Variants in MIA2 observed in about 807,000 individuals in gnomAD.
MIA2 encodes the protein melanoma inhibitory activity protein 2.
A neutral mutation model predicts 167.8 loss-of-function variants in MIA2; 127 were observed. The ratio of observed to expected loss-of-function variants is 0.76; its 90% confidence interval spans 0.66 to 0.88. The LOEUF (loss-of-function observed/expected upper bound fraction) is 0.88, where lower values mean the gene tolerates loss of function less well. Ranked by LOEUF, MIA2 falls within the 40% of genes least tolerant of loss-of-function variation. The pLI is 0.00. For synonymous variants in MIA2, 552 were observed against 541.9 expected (o/e 1.02, Z -0.26); for missense variants, 1,690 against 1,624.7 (o/e 1.04, Z -0.69).
chr14:39,254,796 T>G (rs2054740902), intron 6 of MIA2, among the ~76,000 whole-genome samples: 1 of 152,216 alleles, frequency 6.6e-6, no homozygotes, highest in African/African-American at 2.4e-5. Context: ...TGAGTGGGAT[T>G]TGGCCCACTA....
chr14:39,335,390 T>C (rs1415486616), intron 25 of MIA2, among the ~76,000 whole-genome samples: 1 of 152,206 alleles, frequency 6.6e-6, no homozygotes, highest in African/African-American at 2.4e-5. Context: ...ATGTTTCTAC[T>C]TGGAAGAAGT....
intron 23 of MIA2, among the ~76,000 whole-genome samples, chr14:39,363,530 A>G (rs1435852845): frequency 6.6e-6 from 1 of 152,208 alleles, no homozygotes; most frequent in Non-Finnish European, 1.5e-5. Flanking sequence ...CCCTGTCTCA[A>G]ATAAAAAAAA....
chr14:39,361,395 T>G (rs1355705192), intron 23 of MIA2, among the ~76,000 whole-genome samples: 3 of 151,960 alleles, frequency 2.0e-5, no homozygotes, highest in Non-Finnish European at 4.4e-5. Context: ...TTTTACTGTT[T>G]TCTTTGTGGC....
intron 24 of MIA2, among the ~76,000 whole-genome samples, chr14:39,325,338 G>A (rs1334542408): frequency 6.6e-6 from 1 of 151,454 alleles, no homozygotes; most frequent in Non-Finnish European, 1.5e-5. Flanking sequence ...AGATAAATGA[G>A]GTATTAATAT....
intron 25 of MIA2, among the ~76,000 whole-genome samples, chr14:39,328,022 C>G (rs2067931567): frequency 6.6e-6 from 1 of 152,178 alleles, no homozygotes; most frequent in Non-Finnish European, 1.5e-5. Context: ...ATTTCTAGTT[C>G]TAGATGCTTG....
chr14:39,271,678 C>T (rs2057167212), intron 6 of MIA2, among the ~76,000 whole-genome samples: 1 of 151,784 alleles, frequency 6.6e-6, no homozygotes, highest in Non-Finnish European at 1.5e-5. Flanking sequence ...GCTTGTAATC[C>T]CAGCACTTTG....
intron 7 of MIA2, among the ~76,000 whole-genome samples, chr14:39,278,854 G>A (rs998344926): frequency 6.6e-6 from 1 of 152,154 alleles, no homozygotes; most frequent in Non-Finnish European, 1.5e-5. Context: ...ATCTTCAATA[G>A]GGAGTCTTTA....
chr14:39,265,960 G>C, intron 6 of MIA2: 3 of 985,400 alleles, frequency 3.0e-6, no homozygotes, highest in Non-Finnish European at 1.2e-6. Context: ...TCCTCAGGCT[G>C]ATGTGGCAAA....
downstream of MIA2, among the ~76,000 whole-genome samples, chr14:39,356,346 T>A (rs941972928): frequency 2.0e-5 from 3 of 152,156 alleles, no homozygotes; most frequent in Admixed American, 6.5e-5. Flanking sequence ...TGCATAGAGG[T>A]GTTTATAGTA....
chr14:39,334,959 T>C (rs896729421), intron 25 of MIA2, among the ~76,000 whole-genome samples: 9 of 152,200 alleles, frequency 5.9e-5, no homozygotes, highest in African/African-American at 1.4e-4. Context: ...TTTCAAAATA[T>C]GGTCTTCTGG....
chr14:39,316,487 T>A (rs1446100426), intron 21 of MIA2, among the ~76,000 whole-genome samples: 2 of 152,212 alleles, frequency 1.3e-5, no homozygotes, highest in Non-Finnish European at 2.9e-5. Context: ...GTTATTGTGA[T>A]GATTAAATTC....
At chr14:39,306,076 C>T (rs1262484818) in intron 17 of MIA2, among the ~76,000 whole-genome samples, 1 of 151,736 alleles carries the variant, frequency 6.6e-6, no homozygotes, top group Non-Finnish European at 1.5e-5. Context: ...TTGTTCTTGG[C>T]AATGGCTTAA....
At chr14:39,293,409 TAAGAAA>T (rs767617793) in intron 11 of MIA2, 28 bp downstream of exon 11, 2 of 1,390,980 alleles carry the variant, frequency 1.4e-6, no homozygotes, top group Admixed American at 4.0e-5. Flanking sequence ...GAGGAGAATA[TAAGAAA>T]AAGAAAGTTA....
chr14:39,339,737 C>A (rs1324425702), intron 25 of MIA2, among the ~76,000 whole-genome samples: 4 of 152,258 alleles, frequency 2.6e-5, no homozygotes, highest in Admixed American at 6.5e-5. Flanking sequence ...AGTACAGTAG[C>A]CACTAGGCAC....
chr14:39,287,193 C>T (rs1387348327), intron 9 of MIA2, among the ~76,000 whole-genome samples: 2 of 152,290 alleles, frequency 1.3e-5, no homozygotes, highest in East Asian at 3.9e-4. Flanking sequence ...CCCACCTTAG[C>T]CTCCCAAGTA....
chr14:39,236,799 T>C, intron 1 of MIA2, 123 bp from the exon 2 acceptor site: 1 of 949,790 alleles, frequency 1.1e-6, no homozygotes, highest in Non-Finnish European at 1.5e-6. Flanking sequence ...TTTGAGGCCA[T>C]AAATGATATA....
intron 6 of MIA2, among the ~76,000 whole-genome samples, chr14:39,263,633 CTT>C (rs35948974): frequency 7.6e-6 from 1 of 130,904 alleles, no homozygotes; most frequent in African/African-American, 2.9e-5. Context: ...CTCTCTCTCT[CTT>C]TTTTTTTTTT....
chr14:39,326,764 A>T, intron 24 of MIA2, 100 bp from the exon 25 acceptor site: 1 of 1,074,700 alleles, frequency 9.3e-7, no homozygotes, highest in Non-Finnish European at 1.3e-6. Flanking sequence ...CAGACTTTGT[A>T]TTTATAATTT....
At chr14:39,387,948 CATA>C (rs1475128699) in exon 24 of MIA2, 2 of 152,114 alleles carry the variant, frequency 1.3e-5, no homozygotes, top group Non-Finnish European at 2.9e-5. Context: ...ATTTTTTAGA[CATA>C]ATGCTATTGT....
Sources: gnomAD v4.1 joint callset for allele counts (sites outside exome capture counted in the v4.1 genomes callset) on GRCh38, gnomAD v4.1.1 for gene constraint, MANE v1.5 for transcripts, NCBI Gene and HGNC (gene_info 2026-07-23, HGNC 2026-07-21) for gene names.